The following KAZN variants were observed in gnomAD, a reference collection of about 807,000 sequenced individuals.
KAZN encodes kazrin, periplakin interacting protein.
A neutral mutation model predicts 87.4 loss-of-function variants in KAZN; 40 were observed. That is an observed-to-expected ratio of 0.46 (90% CI 0.36 to 0.60). KAZN has a LOEUF of 0.60. Among genes scored for constraint, KAZN ranks in the 20% least tolerant of loss-of-function variants. The probability of loss-of-function intolerance (pLI) is 0.00; values close to 1 mark genes in which losing one functional copy is unlikely to be tolerated. For synonymous variants in KAZN, 466 were observed against 458.3 expected, an observed-to-expected ratio of 1.02 and a Z score of -0.22; for missense variants, 898 against 1,073.9, an observed-to-expected ratio of 0.84 and a Z score of 2.29.
intron 1 of KAZN, among the ~76,000 whole-genome samples, chr1:14,701,544 G>A (rs970666561): frequency 4.6e-5 from 7 of 152,228 alleles, no homozygotes; most frequent in South Asian, 2.1e-4. Flanking sequence ...TATAATCGCA[G>A]CACTTTGGAG....
chr1:14,517,804 GTTA>G (rs1351543508), intron 2 of KAZN, among the ~76,000 whole-genome samples: 1 of 152,196 alleles, frequency 6.6e-6, no homozygotes, highest in Non-Finnish European at 1.5e-5. Flanking sequence ...ACATCATCCA[GTTA>G]TTATTTTTCA....
chr1:14,145,465 C>T (rs1645327459), intron 1 of KAZN, among the ~76,000 whole-genome samples: 1 of 152,104 alleles, frequency 6.6e-6, no homozygotes, highest in African/African-American at 2.4e-5. Context: ...CACACACACA[C>T]ACCCACACCC....
intron 1 of KAZN, among the ~76,000 whole-genome samples, chr1:14,760,274 C>A (rs531392155): frequency 6.6e-6 from 1 of 152,258 alleles, no homozygotes; most frequent in South Asian, 2.1e-4. Context: ...GAGAAACGCC[C>A]CCAAGATAGT....
chr1:14,593,171 A>G (rs935767317), intron 2 of KAZN, among the ~76,000 whole-genome samples: 20 of 152,228 alleles, frequency 1.3e-4, no homozygotes, highest in Admixed American at 4.6e-4. Context: ...AGAACTGTGA[A>G]AGTGCTTTGC....
intron 2 of KAZN, among the ~76,000 whole-genome samples, chr1:15,014,413 G>C (rs1669878107): frequency 6.6e-6 from 1 of 152,138 alleles, no homozygotes; most frequent in Non-Finnish European, 1.5e-5. Flanking sequence ...GGCGGAGGCT[G>C]GGTATGGTTA....
At chr1:14,613,289 C>T (rs951404904) in intron 1 of KAZN, among the ~76,000 whole-genome samples, 5 of 152,212 alleles carry the variant, frequency 3.3e-5, no homozygotes, top group Middle Eastern at 3.2e-3. Context: ...GGGGATTGTA[C>T]TCTGAGGGAA....
chr1:14,338,931 A>G (rs1657478576), intron 2 of KAZN, among the ~76,000 whole-genome samples: 2 of 152,210 alleles, frequency 1.3e-5, no homozygotes, highest in African/African-American at 4.8e-5. Flanking sequence ...CCATGATGGA[A>G]GGGGACACCC....
intron 1 of KAZN, among the ~76,000 whole-genome samples, chr1:13,982,543 C>T (rs955971867): frequency 5.9e-5 from 9 of 152,154 alleles, no homozygotes; most frequent in Non-Finnish European, 1.0e-4. Context: ...GAAAGCGACC[C>T]GAGGTGGTTG....
chr1:14,127,021 G>A (rs1252475920), intron 1 of KAZN, among the ~76,000 whole-genome samples: 5 of 152,148 alleles, frequency 3.3e-5, no homozygotes, highest in African/African-American at 7.2e-5. Flanking sequence ...CAGGAGATTC[G>A]CTTGAACCCG....
chr1:14,071,080 G>A (rs187890201), intron 1 of KAZN, among the ~76,000 whole-genome samples: 221 of 152,148 alleles, frequency 1.5e-3, no homozygotes, highest in African/African-American at 5.0e-3. Flanking sequence ...CGAAACCCAG[G>A]GTTCCTTTTA....
intron 2 of KAZN, among the ~76,000 whole-genome samples, chr1:14,217,323 G>C (rs1385197356): frequency 6.6e-6 from 1 of 151,836 alleles, no homozygotes; most frequent in African/African-American, 2.4e-5. Context: ...ATAATAAAGA[G>C]TAAAATAGCT....
At chr1:14,037,764 C>T (rs1298212153) in intron 1 of KAZN, among the ~76,000 whole-genome samples, 19 of 152,294 alleles carry the variant, frequency 1.2e-4, no homozygotes, top group Admixed American at 1.1e-3. Flanking sequence ...GTCTCCCAGC[C>T]GTGCTGCCTG....
intron 1 of KAZN, among the ~76,000 whole-genome samples, chr1:14,717,861 C>G (rs899441286): frequency 6.6e-6 from 1 of 152,208 alleles, no homozygotes. Context: ...GCTTCCACTG[C>G]ACACCGACCC....
chr1:14,406,179 T>C (rs1663836863), intron 2 of KAZN, among the ~76,000 whole-genome samples: 1 of 152,188 alleles, frequency 6.6e-6, no homozygotes, highest in Non-Finnish European at 1.5e-5. Flanking sequence ...TTTTTCACAT[T>C]GCGTGCCCGT....
intron 1 of KAZN, among the ~76,000 whole-genome samples, chr1:14,895,221 TG>T (rs1195651906): frequency 6.6e-6 from 1 of 152,206 alleles, no homozygotes; most frequent in Admixed American, 6.5e-5. Context: ...GCTGCAGCCA[TG>T]GGGGCTGTCT....
intron 1 of KAZN, among the ~76,000 whole-genome samples, chr1:14,099,529 A>G (rs750941755): frequency 1.3e-5 from 2 of 152,148 alleles, no homozygotes; most frequent in African/African-American, 2.4e-5. Flanking sequence ...CCTGCCACCC[A>G]TCAGGAGGTT....
At chr1:13,999,079 G>T (rs1336904541) in intron 1 of KAZN, among the ~76,000 whole-genome samples, 1 of 152,212 alleles carries the variant, frequency 6.6e-6, no homozygotes, top group Non-Finnish European at 1.5e-5. Context: ...GCCAGGCACA[G>T]TGGCTCATGC....
intron 2 of KAZN, among the ~76,000 whole-genome samples, chr1:14,382,329 T>TA (rs1409605240): frequency 3.9e-5 from 6 of 152,156 alleles, no homozygotes; most frequent in African/African-American, 7.2e-5. Context: ...TTCTTTTTTT[T>TA]ATTATACTTT....
intron 2 of KAZN, among the ~76,000 whole-genome samples, chr1:14,406,948 A>G (rs369847396): frequency 2.4e-4 from 36 of 152,332 alleles, no homozygotes; most frequent in African/African-American, 8.7e-4. Context: ...TGCAAACAGA[A>G]GAGCTGAGAC....
Sources: gnomAD v4.1 joint callset for allele counts (sites outside exome capture counted in the v4.1 genomes callset) on GRCh38, gnomAD v4.1.1 for gene constraint, MANE v1.5 for transcripts, NCBI Gene and HGNC (gene_info 2026-07-23, HGNC 2026-07-21) for gene names.